CTNNA3: variants seen among roughly 807,000 people sequenced by gnomAD.
The protein encoded by CTNNA3 is catenin alpha 3, also known as catenin alpha-3.
A neutral mutation model predicts 95.7 loss-of-function variants in CTNNA3; 76 were observed. That is an observed-to-expected ratio of 0.79 (90% CI 0.66 to 0.96). The LOEUF is 0.96. Among genes scored for constraint, CTNNA3 ranks in the 40% least tolerant of loss-of-function variants. The pLI, the probability that CTNNA3 is intolerant of heterozygous loss-of-function variation, is 0.00. For missense variants in CTNNA3, 1,191 were observed against 1,089.8 expected, an observed-to-expected ratio of 1.09 and a Z score of -1.31; for synonymous variants, 431 against 374.4, an observed-to-expected ratio of 1.15 and a Z score of -1.74.
At chr10:67,011,273 G>A (rs903710694) in intron 7 of CTNNA3, among the ~76,000 whole-genome samples, 2 of 151,576 alleles carry the variant, frequency 1.3e-5, no homozygotes, top group Non-Finnish European at 2.9e-5. Flanking sequence ...CCCAGCAGAC[G>A]GAGGTTGCAG....
chr10:67,647,012 G>A (rs1839733169), intron 2 of CTNNA3, among the ~76,000 whole-genome samples: 1 of 151,846 alleles, frequency 6.6e-6, no homozygotes, highest in Non-Finnish European at 1.5e-5. Context: ...CCATGTGCCT[G>A]AGGCAAGTTA....
At chr10:66,788,344 G>C (rs1007391002) in intron 7 of CTNNA3, among the ~76,000 whole-genome samples, 18 of 152,076 alleles carry the variant, frequency 1.2e-4, no homozygotes, top group African/African-American at 4.3e-4. Flanking sequence ...ATCAGTTCCA[G>C]GCGCCAGGGA....
rs543453977 is a variant in CTNNA3 at position 66,264,482 on chromosome 10, G to GT, written c.1884+15987dup. On this transcript the variant is annotated intron_variant, in intron 13 of 17. Transcript: ENST00000433211. ...AGTAGTCATATTAAAAATAATTTGTGTAAGTCAAAGTGATAATATTTTGGA... is the reference window on the plus strand; with the variant it reads ...AGTAGTCATATTAAAAATAATTTGTGTTAAGTCAAAGTGATAATATTTTGGA... 3.1e-3 allele frequency among the ~76,000 whole-genome samples: 465 copies of GT among 151,990 alleles called. 4 individuals are homozygous for GT. Among genetic ancestry groups the GT allele is most frequent in the African/African-American group, 0.011 (450 of 41,518 alleles).
intron 1 of CTNNA3, among the ~76,000 whole-genome samples, chr10:67,759,870 T>G (rs554064816): frequency 6.6e-6 from 1 of 152,214 alleles, no homozygotes; most frequent in South Asian, 2.1e-4. Context: ...AACAACTAGT[T>G]ATCTTAGAAG....
At chr10:66,681,469 C>T (rs558265862) in intron 9 of CTNNA3, among the ~76,000 whole-genome samples, 1 of 152,098 alleles carries the variant, frequency 6.6e-6, no homozygotes, top group South Asian at 2.1e-4. Context: ...CTTAAAAAAT[C>T]AGATTGGAAT....
chr10:67,607,946 G>A (rs576816050), intron 2 of CTNNA3, among the ~76,000 whole-genome samples: 10 of 152,148 alleles, frequency 6.6e-5, no homozygotes, highest in South Asian at 2.1e-4. Context: ...TCTTAATATC[G>A]GCAGCATACA....
chr10:66,544,110 A>G (rs1201070916), intron 10 of CTNNA3, among the ~76,000 whole-genome samples: 1 of 151,920 alleles, frequency 6.6e-6, no homozygotes, highest in Non-Finnish European at 1.5e-5. Context: ...TACTTCACAC[A>G]GTAATGTGAC....
chr10:67,374,537 A>G lies in CTNNA3; in HGVS notation c.579+147305T>C, dbSNP rs534939578. 3.3e-5 allele frequency among the ~76,000 whole-genome samples: 5 copies of G among 152,318 alleles called. No homozygotes were observed. In the South Asian group the frequency reaches 1.0e-3, roughly 32 times the overall value. On this transcript the variant is annotated intron_variant, in intron 5 of 17. Coordinates refer to ENST00000433211, the MANE Select transcript of CTNNA3 (RefSeq NM_013266.4). ...TATTCATCAGATTTACTTCTTTTAT[A>G]TTGGGCTATATGATACTGTATCTCT...
At chr10:66,236,796 A>T (rs925532915) in intron 13 of CTNNA3, among the ~76,000 whole-genome samples, 1 of 151,820 alleles carries the variant, frequency 6.6e-6, no homozygotes, top group African/African-American at 2.4e-5. Context: ...TTTTTCATAC[A>T]TACTAGCTGC....
chr10:67,025,657 A>G (rs888124262), intron 7 of CTNNA3, among the ~76,000 whole-genome samples: 3 of 152,156 alleles, frequency 2.0e-5, no homozygotes, highest in Non-Finnish European at 4.4e-5. Context: ...AATCCTCTCT[A>G]AAGTACTATA....
At chr10:66,022,595 C>A (rs2079241981) in intron 15 of CTNNA3, among the ~76,000 whole-genome samples, 1 of 125,522 alleles carries the variant, frequency 8.0e-6, no homozygotes. Context: ...AGGATATGCA[C>A]ATGACACACA....
In CTNNA3 at chr10:66,334,798, A is replaced by C. The variant is rs543603081; in HGVS notation, c.1732+44354T>G. ...TTGGCCTGCCTTGCTAGATTGGGGA[A>C]GTTCTCCTGGATAATATCTTGCAGT... On this transcript the variant is annotated intron_variant, in intron 12 of 17. Coordinates refer to ENST00000433211, the MANE Select transcript of CTNNA3 (RefSeq NM_013266.4). Among the ~76,000 whole-genome samples, 7 of 152,146 alleles carry C rather than the reference A, an allele frequency of 4.6e-5. No homozygotes were observed. The East Asian group carries it at 1.4e-3, about 29-fold the overall frequency.
At chr10:67,173,936 A>G (rs1862126432) in intron 7 of CTNNA3, among the ~76,000 whole-genome samples, 1 of 152,182 alleles carries the variant, frequency 6.6e-6, no homozygotes, top group Non-Finnish European at 1.5e-5. Context: ...CTCTGCTGGA[A>G]GGCAAATGAC....
At position 67,189,800 on chromosome 10, in the gene CTNNA3, G is replaced by C. The variant is rs542649980; in HGVS notation, c.844-9280C>G. On this transcript the variant is annotated intron_variant, in intron 6 of 17. Coordinates refer to ENST00000433211, the MANE Select transcript of CTNNA3 (RefSeq NM_013266.4). ...AAACAAAAAAACTGCATCAAAGGTAGGGAAGGGATCTGTGAAACCAGGAGA... is the reference window on the plus strand; with the variant it reads ...AAACAAAAAAACTGCATCAAAGGTACGGAAGGGATCTGTGAAACCAGGAGA... 2.0e-5 allele frequency among the ~76,000 whole-genome samples: 3 copies of C among 152,224 alleles called. No individual in the cohort carries two copies. The East Asian group carries it at 5.8e-4, about 29-fold the overall frequency.
intron 16 of CTNNA3, among the ~76,000 whole-genome samples, chr10:65,981,775 G>A (rs1353938623): frequency 1.3e-5 from 2 of 151,882 alleles, no homozygotes; most frequent in African/African-American, 4.8e-5. Flanking sequence ...AAATGGTGCT[G>A]GGATAATTGG....
intron 1 of CTNNA3, among the ~76,000 whole-genome samples, chr10:67,736,485 T>C (rs1257759824): frequency 6.8e-6 from 1 of 146,484 alleles, no homozygotes; most frequent in Non-Finnish European, 1.5e-5. Flanking sequence ...AGACGGAGTC[T>C]CTCTCTGTCA....
intron 5 of CTNNA3, among the ~76,000 whole-genome samples, chr10:67,348,403 G>A (rs574746106): frequency 1.3e-5 from 2 of 152,124 alleles, no homozygotes; most frequent in Non-Finnish European, 1.5e-5. Flanking sequence ...ATATGTATTA[G>A]TCCATTCTGC....
At chr10:66,327,055 G>A (rs1224189652) in intron 12 of CTNNA3, among the ~76,000 whole-genome samples, 1 of 152,042 alleles carries the variant, frequency 6.6e-6, no homozygotes, top group African/African-American at 2.4e-5. Context: ...CCCCTAGGGT[G>A]TACACTTCTG....
At position 67,470,958 on chromosome 10, in the gene CTNNA3, TTTTATTTATTTA is replaced by T. The variant is rs555737893; in HGVS notation, c.579+50872_579+50883del. Among the ~76,000 whole-genome samples, 133 of 152,062 alleles carry T rather than the reference TTTTATTTATTTA, an allele frequency of 8.7e-4. 1 individual carries two copies. Among genetic ancestry groups the T allele is most frequent in the African/African-American group, 3.1e-3 (128 of 41,480 alleles). ...ACCACACCCAGCTAATTTTTGTCTTTTTTATTTATTTATTTATTTATTTATTTTTGTATTTTT... is the reference window on the plus strand; with the variant it reads ...ACCACACCCAGCTAATTTTTGTCTTTTTTATTTATTTATTTTTGTATTTTT... On this transcript the variant is annotated intron_variant, in intron 5 of 17. Transcript: ENST00000433211.
Sources: allele counts gnomAD v4.1 joint callset (sites outside exome capture counted in the v4.1 genomes callset), GRCh38; gene constraint gnomAD v4.1.1; transcripts MANE v1.5; gene names NCBI Gene and HGNC (gene_info 2026-07-23, HGNC 2026-07-21).